Variants in TG observed in about 807,000 individuals in gnomAD.
TG encodes thyroglobulin, also known as thyroid hormones.
In TG, 270 loss-of-function variants were observed where a neutral mutation model predicts 324.7. The observed-to-expected ratio is 0.83, with a 90% CI of 0.75 to 0.92. TG has a LOEUF of 0.92. Among genes scored for constraint, TG ranks in the 40% least tolerant of loss-of-function variants. TG has a pLI of 0.00. For missense variants in TG, 3,591 were observed against 3,456.4 expected, an observed-to-expected ratio of 1.04 and a Z score of -0.98; for synonymous variants, 1,401 against 1,327.0, an observed-to-expected ratio of 1.06 and a Z score of -1.21.
intron 41 of TG, among the ~76,000 whole-genome samples, chr8:133,051,702 G>A (rs1037873967): frequency 1.1e-4 from 17 of 152,276 alleles, no homozygotes; most frequent in Non-Finnish European, 2.5e-4. Flanking sequence ...GACACTGAGC[G>A]ATACGTCTGC....
chr8:133,038,947 T>C (rs922117745), intron 41 of TG, among the ~76,000 whole-genome samples: 1 of 152,154 alleles, frequency 6.6e-6, no homozygotes, highest in South Asian at 2.1e-4. Flanking sequence ...GTGCAATCTC[T>C]GCTCACTGCA....
intron 6 of TG, 99 bp downstream of exon 6, chr8:132,882,068 G>C: frequency 1.1e-6 from 1 of 869,804 alleles, no homozygotes; most frequent in Non-Finnish European, 1.9e-6. Context: ...TAGAGTGACT[G>C]CCTGCCCCCT....
At chr8:132,922,433 G>T (rs560314726) in intron 21 of TG, among the ~76,000 whole-genome samples, 1 of 152,174 alleles carries the variant, frequency 6.6e-6, no homozygotes, top group African/African-American at 2.4e-5. Context: ...TTTCTGGAAC[G>T]TCTATCGAGT....
intron 41 of TG, among the ~76,000 whole-genome samples, chr8:133,068,655 AC>A: frequency 6.6e-6 from 1 of 152,302 alleles, no homozygotes; most frequent in East Asian, 1.9e-4. Context: ...CACCACACTG[AC>A]GCAAGGGGCT....
chr8:133,094,298 A>T (rs755873418), intron 41 of TG, among the ~76,000 whole-genome samples: 10 of 141,398 alleles, frequency 7.1e-5, no homozygotes, highest in Non-Finnish European at 1.4e-4. Flanking sequence ...TGGAGTGCAG[A>T]GGTGCGATCT....
chr8:132,868,285 C>T lies in TG; in HGVS notation c.176+62C>T, dbSNP rs532301730. 2.7e-5 allele frequency: 39 copies of T among 1,428,176 alleles called. 1 individual carries two copies. In the South Asian group the frequency reaches 4.4e-4, roughly 16 times the overall value. 88.5% of individuals were successfully genotyped at this position (1,428,176 alleles called of 1,614,324 possible). A position where few individuals can be genotyped will look rare whatever the true frequency, so the allele number is the denominator to read the frequency against. ...AGATGCCATAAAAAGCATCTTGTGCCTTCCCCCCTCTTCCTGAGCTCTGCC... is the reference window on the plus strand; with the variant it reads ...AGATGCCATAAAAAGCATCTTGTGCTTTCCCCCCTCTTCCTGAGCTCTGCC... On this transcript the variant is annotated intron_variant, in intron 2 of 47. Coordinates refer to ENST00000220616, the MANE Select transcript of TG (RefSeq NM_003235.5).
At chr8:133,127,315 A>G (rs552086151) in intron 45 of TG, among the ~76,000 whole-genome samples, 2 of 152,330 alleles carry the variant, frequency 1.3e-5, no homozygotes, top group African/African-American at 2.4e-5. Context: ...AACTTGTGCA[A>G]TGGATCATCT....
chr8:132,951,135 A>G (rs1826044104), intron 27 of TG, among the ~76,000 whole-genome samples: 2 of 152,156 alleles, frequency 1.3e-5, no homozygotes, highest in Admixed American at 6.5e-5. Context: ...TTGATATTAG[A>G]TGATGTTATC....
At chr8:132,969,592 CT>C (rs1481395984) in intron 32 of TG, 23 bp downstream of exon 32, 2 of 1,415,686 alleles carry the variant, frequency 1.4e-6, no homozygotes, top group African/African-American at 2.8e-5. Context: ...TGTCTCACCC[CT>C]AATGTTTATT....
intron 17 of TG, among the ~76,000 whole-genome samples, chr8:132,907,536 AGATTCTGG>A (rs1312645810): frequency 2.6e-5 from 4 of 152,252 alleles, no homozygotes; most frequent in African/African-American, 9.6e-5. Context: ...AGAGAGACCA[AGATTCTGG>A]GACTGTCACA....
chr8:132,970,263 G>A (rs1829320410), intron 32 of TG, among the ~76,000 whole-genome samples: 1 of 151,872 alleles, frequency 6.6e-6, no homozygotes, highest in Non-Finnish European at 1.5e-5. Flanking sequence ...TCATTATTTA[G>A]TTGTTTTAAT....
rs1328738391 is a variant in TG, at chr8:132,959,844, T to C, written c.5402-1164T>C. ...GCTTGTCCAGTCCACCTTTTGTTGT[T>C]GTTGTTCTGTTTTGTTTTGTTTTAG... On this transcript the variant is annotated intron_variant, in intron 27 of 47. Transcript: ENST00000220616. Among the ~76,000 whole-genome samples the C allele has an allele frequency of 3.9e-5, 6 of 152,206 alleles. No homozygotes were observed. In the East Asian group the frequency reaches 1.2e-3, roughly 29 times the overall value.
At chr8:132,970,189 T>C (rs1308758862) in intron 32 of TG, among the ~76,000 whole-genome samples, 1 of 152,060 alleles carries the variant, frequency 6.6e-6, no homozygotes, top group Non-Finnish European at 1.5e-5. Flanking sequence ...CAGACTCATA[T>C]ACATATAAAT....
intron 20 of TG, among the ~76,000 whole-genome samples, chr8:132,918,241 C>T (rs903456554): frequency 1.3e-5 from 2 of 152,148 alleles, no homozygotes; most frequent in African/African-American, 4.8e-5. Flanking sequence ...AGTTCTAGCT[C>T]TCTCATTTCT....
intron 45 of TG, among the ~76,000 whole-genome samples, chr8:133,128,875 G>A (rs779943517): frequency 1.4e-4 from 22 of 152,184 alleles, no homozygotes; most frequent in African/African-American, 4.3e-4. Flanking sequence ...CAGACACAGC[G>A]CAGGGCAATG....
chr8:133,020,107 G>A (rs142230266), intron 39 of TG, among the ~76,000 whole-genome samples: 311 of 152,350 alleles, frequency 2.0e-3, no homozygotes, highest in Middle Eastern at 0.014. Flanking sequence ...TAAAGGTGCA[G>A]ACCTGGGGCT....
chr8:132,959,359 A>T lies in TG; in HGVS notation c.5402-1649A>T, dbSNP rs181085499. Among the ~76,000 whole-genome samples, 582 of 152,358 alleles carry T rather than the reference A, an allele frequency of 3.8e-3. 3 individuals carry two copies. The highest frequency in any genetic ancestry group is 0.013 in the African/African-American group (528 of 41,584). ...ACCATGTATGTAATGGTGGTCCCAT[A>T]AGATTAAATGGAGAATAAGATTATA... On this transcript the variant is annotated intron_variant, in intron 27 of 47. Coordinates refer to ENST00000220616, the MANE Select transcript of TG (RefSeq NM_003235.5).
intron 24 of TG, 136 bp from the exon 25 acceptor site, chr8:132,935,620 C>G (rs188711664): frequency 1.5e-5 from 11 of 747,108 alleles, no homozygotes; most frequent in Non-Finnish European, 2.4e-5. Context: ...ACACATCTGT[C>G]TCCTCCAATA....
intron 38 of TG, 73 bp from the exon 39 acceptor site, chr8:133,019,529 T>G: frequency 7.5e-7 from 1 of 1,333,234 alleles, no homozygotes; most frequent in African/African-American, 1.4e-5. Flanking sequence ...GGTAGTGGGC[T>G]CTGACCATGG....
Sources: gnomAD v4.1 joint callset for allele counts (sites outside exome capture counted in the v4.1 genomes callset) on GRCh38, gnomAD v4.1.1 for gene constraint, MANE v1.5 for transcripts, NCBI Gene and HGNC (gene_info 2026-07-23, HGNC 2026-07-21) for gene names.